The following MTUS1 variants were observed in gnomAD, a reference collection of about 807,000 sequenced individuals.
MTUS1 encodes microtubule associated scaffold protein 1, also known as microtubule-associated tumor suppressor 1.
Under a neutral mutation model 120.8 loss-of-function variants are expected in MTUS1, and 109 were observed. The observed-to-expected ratio is 0.90, with a 90% CI of 0.77 to 1.06. The LOEUF (loss-of-function observed/expected upper bound fraction) is 1.06. Among genes scored for constraint, MTUS1 ranks in the 50% least tolerant of loss-of-function variants. MTUS1 has a pLI of 0.00. For synonymous variants in MTUS1, 737 were observed against 550.5 expected, an observed-to-expected ratio of 1.34 and a Z score of -4.74; for missense variants, 2,210 against 1,486.3, an observed-to-expected ratio of 1.49 and a Z score of -8.01.
intron 2 of MTUS1, among the ~76,000 whole-genome samples, chr8:17,752,612 G>T (rs1300912282): frequency 1.3e-5 from 2 of 151,322 alleles, no homozygotes; most frequent in African/African-American, 4.9e-5. Flanking sequence ...CTTCTAAACG[G>T]ACCTGACAAT....
chr8:17,795,110 T>C (rs563281665), intron 1 of MTUS1, among the ~76,000 whole-genome samples: 1 of 152,338 alleles, frequency 6.6e-6, no homozygotes, highest in East Asian at 1.9e-4. Flanking sequence ...AAATAACACC[T>C]GAGTTAAATA....
intron 13 of MTUS1, among the ~76,000 whole-genome samples, chr8:17,647,963 A>G (rs959103562): frequency 1.3e-5 from 2 of 152,202 alleles, no homozygotes; most frequent in Non-Finnish European, 2.9e-5. Context: ...TGTTATCCAG[A>G]AGCAGCTCAG....
At chr8:17,663,074 A>T (rs983751783) in intron 8 of MTUS1, among the ~76,000 whole-genome samples, 2 of 131,798 alleles carry the variant, frequency 1.5e-5, no homozygotes, top group Non-Finnish European at 3.4e-5. Flanking sequence ...AAAAAATCGT[A>T]ATCAGTGAAA....
chr8:17,708,992 C>A (rs1820716970), intron 6 of MTUS1: 1 of 152,182 alleles, frequency 6.6e-6, no homozygotes, highest in Non-Finnish European at 1.5e-5. Context: ...AAAAAATTAG[C>A]CGGGCATGGT....
At chr8:17,724,433 A>G (rs960727329) in intron 3 of MTUS1, among the ~76,000 whole-genome samples, 2 of 152,144 alleles carry the variant, frequency 1.3e-5, no homozygotes, top group Non-Finnish European at 2.9e-5. Flanking sequence ...ATAAGCAAAA[A>G]TTTCATTTGA....
intron 6 of MTUS1, among the ~76,000 whole-genome samples, chr8:17,709,167 T>C (rs1820771218): frequency 6.6e-6 from 1 of 151,560 alleles, no homozygotes; most frequent in South Asian, 2.1e-4. Flanking sequence ...AATTCTGAGA[T>C]AATTTCCCCA....
At chr8:17,741,627 A>G (rs2937885) in intron 3 of MTUS1, among the ~76,000 whole-genome samples, 27,721 of 152,032 alleles carry the variant, frequency 0.18, 2,637 homozygotes, top group Middle Eastern at 0.23. Flanking sequence ...CTTAACAACT[A>G]CTTCCCCGCT....
intron 1 of MTUS1, among the ~76,000 whole-genome samples, chr8:17,790,416 T>C (rs1397049205): frequency 6.6e-6 from 1 of 152,076 alleles, no homozygotes; most frequent in Non-Finnish European, 1.5e-5. Flanking sequence ...CACAGACTGC[T>C]AATCTATGAA....
intron 8 of MTUS1, among the ~76,000 whole-genome samples, chr8:17,665,217 T>C (rs945137607): frequency 6.6e-6 from 1 of 152,166 alleles, no homozygotes; most frequent in South Asian, 2.1e-4. Context: ...CCAAATTATC[T>C]CCAAATGCCT....
chr8:17,721,891 G>A, intron 4 of MTUS1: 1 of 1,613,188 alleles, frequency 6.2e-7, no homozygotes, highest in Non-Finnish European at 8.5e-7. Context: ...AAATCCTCCT[G>A]GTACAGTCAT....
rs552920585 is a variant in MTUS1 at position 17,645,342 on chromosome 8, T to A, written c.*584A>T. 6.5e-6 allele frequency: 1 copy of A among 152,980 alleles called. No homozygotes were observed. The highest frequency in any genetic ancestry group is 1.9e-4 in the East Asian group (1 of 5,192). 9.5% of individuals were successfully genotyped at this position (152,980 alleles called of 1,614,324 possible). On this transcript the variant is annotated 3_prime_UTR_variant, in exon 15 of 15. Transcript: ENST00000693296. ...AGAGTTGGTGGTAGATGATCATAAT[T>A]CAAGCAACTATTGCTTTTTCTTCTA...
At chr8:17,740,818 G>T (rs1232770608) in intron 3 of MTUS1, among the ~76,000 whole-genome samples, 2 of 152,138 alleles carry the variant, frequency 1.3e-5, no homozygotes, top group African/African-American at 2.4e-5. Context: ...CATCCAGATG[G>T]CCACATTCTC....
intron 6 of MTUS1, among the ~76,000 whole-genome samples, chr8:17,712,322 T>C (rs1163013784): frequency 6.6e-6 from 1 of 152,080 alleles, no homozygotes; most frequent in Non-Finnish European, 1.5e-5. Context: ...CTTATCTATC[T>C]AGAGAGATCA....
At chr8:17,668,972 A>T (rs1436218570) in intron 8 of MTUS1, among the ~76,000 whole-genome samples, 1 of 152,208 alleles carries the variant, frequency 6.6e-6, no homozygotes, top group Admixed American at 6.5e-5. Flanking sequence ...GAAGAAAACT[A>T]CCTTTCCCTA....
intron 2 of MTUS1, among the ~76,000 whole-genome samples, chr8:17,752,801 C>T (rs917736750): frequency 6.6e-6 from 1 of 152,112 alleles, no homozygotes; most frequent in Non-Finnish European, 1.5e-5. Context: ...GACAGGCACC[C>T]AAGGACAGCC....
chr8:17,780,063 G>C (rs960399258), intron 1 of MTUS1, among the ~76,000 whole-genome samples: 1 of 152,102 alleles, frequency 6.6e-6, no homozygotes, highest in Non-Finnish European at 1.5e-5. Flanking sequence ...TATGGGGGTG[G>C]ATCCCTCATG....
chr8:17,734,873 G>C (rs1014422991), intron 3 of MTUS1, among the ~76,000 whole-genome samples: 3 of 152,100 alleles, frequency 2.0e-5, no homozygotes, highest in African/African-American at 7.2e-5. Context: ...TGAGCAATGA[G>C]GTGGTGAGAT....
chr8:17,737,357 C>T (rs147173705), intron 3 of MTUS1, among the ~76,000 whole-genome samples: 110 of 152,266 alleles, frequency 7.2e-4, no homozygotes, highest in East Asian at 2.9e-3. Context: ...CTGTGCTTGG[C>T]GCACACAGGC....
At chr8:17,799,223 C>A (rs919899407) in intron 1 of MTUS1, among the ~76,000 whole-genome samples, 3 of 151,748 alleles carry the variant, frequency 2.0e-5, no homozygotes, top group Admixed American at 2.0e-4. Context: ...GTTTTAAAAA[C>A]GTATTTGTTG....
Sources: allele counts gnomAD v4.1 joint callset (sites outside exome capture counted in the v4.1 genomes callset), GRCh38; gene constraint gnomAD v4.1.1; transcripts MANE v1.5; gene names NCBI Gene and HGNC (gene_info 2026-07-23, HGNC 2026-07-21).